The following SHLD2 variants were observed in gnomAD, a reference collection of about 807,000 sequenced individuals.
SHLD2 encodes shieldin complex subunit 2.
In SHLD2, 30 loss-of-function variants were observed where a neutral mutation model predicts 73.2. That is an observed-to-expected ratio of 0.41 (90% confidence interval 0.31 to 0.56). The LOEUF (loss-of-function observed/expected upper bound fraction) is 0.56, where lower values mean the gene tolerates loss of function less well. Ranked by LOEUF, SHLD2 falls within the 20% of genes least tolerant of loss-of-function variation. SHLD2 has a pLI of 0.28. For synonymous variants in SHLD2, 285 were observed against 370.1 expected, an observed-to-expected ratio of 0.77 and a Z score of 2.64; for missense variants, 745 against 1,055.9, an observed-to-expected ratio of 0.71 and a Z score of 4.08.
At chr10:87,182,929 G>T (rs961013928) in intron 8 of SHLD2, among the ~76,000 whole-genome samples, 10 of 151,886 alleles carry the variant, frequency 6.6e-5, no homozygotes, top group Non-Finnish European at 1.3e-4. Context: ...GAGAGTTCCA[G>T]GTGGAAGCCA....
chr10:87,170,882 T>C lies in SHLD2; in HGVS notation c.1871T>C (p.Met624Thr). 5 of 1,610,284 alleles carry C rather than the reference T, an allele frequency of 3.1e-6. No homozygotes were observed. The highest frequency in any genetic ancestry group is 1.7e-5 in the Admixed American group (1 of 59,880). ...AGAGGACAGAAGCAGAAAAAAGTTA[T>C]GTTAACAGTGGAACAGGCCCAAGAT... ...SYRGQKQKKV[M>T]LTVEQAQDQH... The change falls in exon 6 of 10, where the codon ATG (methionine) becomes ACG (threonine). Residue 624 changes from methionine (M) to threonine (T), a missense_variant. Physicochemically the swap from Met to Thr is moderately conservative, Grantham distance 81. Transcript: ENST00000298786.
rs1843168547 is a variant in SHLD2 at position 87,115,170 on chromosome 10, C to T, written c.-6+18181C>T. Reference sequence around the variant, plus strand: ...GGTCAAGTGATTCTCCTACCTCAGCCTCCAGAGTAGCTGGTATTACAGGCA... The same window carrying T: ...GGTCAAGTGATTCTCCTACCTCAGCTTCCAGAGTAGCTGGTATTACAGGCA... On this transcript the variant is annotated intron_variant, in intron 2 of 9. Coordinates refer to ENST00000298786, the MANE Select transcript of SHLD2 (RefSeq NM_001330112.2). 2.0e-5 allele frequency among the ~76,000 whole-genome samples: 3 copies of T among 152,178 alleles called. 1 individual carries two copies. The highest frequency in any genetic ancestry group is 4.1e-4 in the South Asian group (2 of 4,836).
At chr10:87,144,937 C>CTTTTTTTTT in intron 2 of SHLD2, among the ~76,000 whole-genome samples, 1 of 72,028 alleles carries the variant, frequency 1.4e-5, no homozygotes, top group Non-Finnish European at 2.5e-5. Flanking sequence ...GCCTGTAATT[C>CTTTTTTTTT]TTTTTTTTTT....
chr10:87,146,715 T>A (rs1409476604), intron 2 of SHLD2, among the ~76,000 whole-genome samples: 3 of 152,030 alleles, frequency 2.0e-5, no homozygotes, highest in Non-Finnish European at 4.4e-5. Flanking sequence ...TAGACACCCC[T>A]GATTTAGACA....
chr10:87,176,153 G>C lies in SHLD2; in HGVS notation c.2170+58G>C, dbSNP rs1847938651. On this transcript the variant is annotated intron_variant, in intron 7 of 9. Transcript: ENST00000298786. ...TTTATTTCTTTTGAAACAGGGTCTT[G>C]CTCTGTTGCTCAGGCTGGAATACAG... 8 of 1,544,348 alleles carry C rather than the reference G, an allele frequency of 5.2e-6. No individual in the cohort carries two copies. The African/African-American group carries it at 6.9e-5, about 13-fold the overall frequency.
At chr10:87,188,279 C>G (rs996097647) in intron 9 of SHLD2, among the ~76,000 whole-genome samples, 3 of 152,156 alleles carry the variant, frequency 2.0e-5, no homozygotes, top group Non-Finnish European at 4.4e-5. Flanking sequence ...GGCCCTGCCC[C>G]AGCAGTAGGG....
intron 3 of SHLD2, among the ~76,000 whole-genome samples, chr10:87,155,089 C>A (rs534395260): frequency 6.6e-6 from 1 of 152,068 alleles, no homozygotes; most frequent in Non-Finnish European, 1.5e-5. Context: ...CGCCTGCCAC[C>A]GCGCGCGGCT....
At chr10:87,176,291 C>T (rs1219885420) in intron 7 of SHLD2, among the ~76,000 whole-genome samples, 196 bp downstream of exon 7, 1 of 152,212 alleles carries the variant, frequency 6.6e-6, no homozygotes, top group African/African-American at 2.4e-5. Context: ...ACCATCAGTG[C>T]ATGCCACCAC....
intron 9 of SHLD2, among the ~76,000 whole-genome samples, chr10:87,187,622 C>T (rs1451200207): frequency 1.3e-5 from 2 of 152,196 alleles, no homozygotes; most frequent in Non-Finnish European, 2.9e-5. Flanking sequence ...GGTATTCAAA[C>T]TCCATTCCTG....
intron 2 of SHLD2, among the ~76,000 whole-genome samples, chr10:87,101,990 G>A (rs573568682): frequency 6.6e-6 from 1 of 152,322 alleles, no homozygotes; most frequent in East Asian, 1.9e-4. Context: ...TATGCAAGAT[G>A]CTGTCATTTG....
In SHLD2 at chr10:87,147,072, G is replaced by GA. The variant is rs76041937; in HGVS notation, c.-5-4262dup. Among the ~76,000 whole-genome samples the GA allele has an allele frequency of 4.3e-3, 407 of 95,222 alleles. 3 individuals carry two copies. Among genetic ancestry groups the GA allele is most frequent in the Middle Eastern group, 5.6e-3 (1 of 178 alleles). 62.5% of individuals were successfully genotyped at this position (95,222 alleles called of 152,430 possible). ...ACTCTGTCTCAAAAAAAAAAAAAAAGAAAAAAAAAAAAAAAACAAAAAAAC... is the reference window on the plus strand; with the variant it reads ...ACTCTGTCTCAAAAAAAAAAAAAAAGAAAAAAAAAAAAAAAAACAAAAAAAC... On this transcript the variant is annotated intron_variant, in intron 2 of 9. Transcript: ENST00000298786.
intron 2 of SHLD2, among the ~76,000 whole-genome samples, chr10:87,140,453 AGTGGCTCATCATG>A (rs1172428180): frequency 6.6e-6 from 1 of 151,578 alleles, no homozygotes; most frequent in Non-Finnish European, 1.5e-5. Context: ...ATAAGAAAAT[AGTGGCTCATCATG>A]GTGGCTCATG....
rs564737757 is a variant in SHLD2, at chr10:87,152,760, T to G, written c.1406T>G (p.Val469Gly). The G allele has an allele frequency of 1.2e-6, 2 of 1,611,956 alleles. No individual in the cohort carries two copies. Among genetic ancestry groups the G allele is most frequent in the East Asian group, 4.5e-5 (2 of 44,856 alleles). Residue 469 changes from valine (V) to glycine (G), a missense_variant, in exon 3 of 10, where the codon GTG becomes GGG. Physicochemically the swap from Val to Gly is moderately radical, Grantham distance 109 (BLOSUM62 -3). Around this residue, in one of 5 missense-constraint regions of SHLD2, gnomAD observed 418 missense variants for 567.8 expected, o/e 0.74. Transcript: ENST00000298786. Reference protein sequence around the residue: ...IKFGPNSGSKVPLATVTVIDQ... With the variant: ...IKFGPNSGSKGPLATVTVIDQ... ...TTCGGACCAAATTCTGGCTCTAAAG[T>G]GCCTTTAGCAACAGTTACAGTAATT...
chr10:87,155,063 T>C (rs1441149571), intron 3 of SHLD2, among the ~76,000 whole-genome samples: 2 of 152,024 alleles, frequency 1.3e-5, no homozygotes, highest in African/African-American at 2.4e-5. Flanking sequence ...GCCTCCTGAA[T>C]AGCTGGGACT....
intron 2 of SHLD2, among the ~76,000 whole-genome samples, chr10:87,116,804 A>G (rs138604847): frequency 7.9e-5 from 12 of 152,332 alleles, no homozygotes; most frequent in Non-Finnish European, 1.2e-4. Flanking sequence ...TGAACACACA[A>G]TTGAACAGTT....
chr10:87,147,086 A>G (rs1210771014), intron 2 of SHLD2, among the ~76,000 whole-genome samples: 1 of 150,834 alleles, frequency 6.6e-6, no homozygotes, highest in African/African-American at 2.4e-5. Flanking sequence ...AAAAAAAAAA[A>G]AACAAAAAAA....
chr10:87,108,959 CT>C (rs1346913055), intron 2 of SHLD2, among the ~76,000 whole-genome samples: 1 of 152,196 alleles, frequency 6.6e-6, no homozygotes, highest in Non-Finnish European at 1.5e-5. Flanking sequence ...TTGTCTGCCT[CT>C]GCCACTTCTG....
At chr10:87,140,419 C>CAAA (rs59414161) in intron 2 of SHLD2, among the ~76,000 whole-genome samples, 171 of 102,328 alleles carry the variant, frequency 1.7e-3, no homozygotes, top group African/African-American at 4.2e-3. Flanking sequence ...GAACCTATCT[C>CAAA]AAAAAAAAAA....
At chr10:87,105,311 G>A (rs1842528818) in intron 2 of SHLD2, among the ~76,000 whole-genome samples, 1 of 152,204 alleles carries the variant, frequency 6.6e-6, no homozygotes, top group Non-Finnish European at 1.5e-5. Flanking sequence ...GAAGCAAAAA[G>A]TACCTTCTCC....
Sources: allele counts gnomAD v4.1 joint callset (sites outside exome capture counted in the v4.1 genomes callset), GRCh38; gene constraint gnomAD v4.1.1; regional missense constraint gnomAD v4.1.1; transcripts MANE v1.5; gene names NCBI Gene and HGNC (gene_info 2026-07-23, HGNC 2026-07-21).